CSF3R: variants seen among roughly 807,000 people sequenced by gnomAD.
CSF3R encodes granulocyte colony-stimulating factor receptor.
In CSF3R, 52 loss-of-function variants were observed where a neutral mutation model predicts 84.4. The observed-to-expected ratio is 0.62, with a 90% CI of 0.49 to 0.78. CSF3R has a LOEUF of 0.78. CSF3R is among the 30% of genes least tolerant of loss of function. CSF3R has a pLI of 0.00. For missense variants in CSF3R, 890 were observed against 1,055.7 expected (o/e 0.84, Z 2.17); for synonymous variants, 384 against 429.1 (o/e 0.89, Z 1.30).
intron 4 of CSF3R, among the ~76,000 whole-genome samples, chr1:36,474,390 C>CTTTTTTTTTTTT (rs911099378): frequency 1.2e-5 from 1 of 86,262 alleles, no homozygotes; most frequent in Non-Finnish European, 2.1e-5. Context: ...ATTACTGGTG[C>CTTTTTTTTTTTT]TTTTTTTTTT....
Position 36,467,334 on chromosome 1 carries a change from G to C in CSF3R, c.1959-23C>G. Reference sequence around the variant, plus strand: ...CTGCTGGAGAAGGGGGCAGGTGGAGGCTGAGTCAGACACACCCTCCGATCT... The same window carrying C: ...CTGCTGGAGAAGGGGGCAGGTGGAGCCTGAGTCAGACACACCCTCCGATCT... On this transcript the variant is annotated intron_variant, in intron 15 of 16. Transcript: ENST00000373106. This position sits in a 1 kb window ranked among gnomAD's most constrained non-coding sequence, Gnocchi z 4.1. 6.2e-7 allele frequency: 1 copy of C among 1,610,892 alleles called. No homozygotes were observed. The highest frequency in any genetic ancestry group is 8.5e-7 in the Non-Finnish European group (1 of 1,177,074).
chr1:36,472,263 G>C lies in CSF3R; in HGVS notation c.972C>G (p.Ser324Arg), dbSNP rs746413192. 6.2e-7 allele frequency: 1 copy of C among 1,614,242 alleles called. No individual in the cohort carries two copies. The highest frequency in any genetic ancestry group is 1.1e-5 in the South Asian group (1 of 91,088). The change falls in exon 8 of 17, where the codon AGC becomes AGG. Residue 324 changes from serine (S) to arginine (R), a missense_variant. By Grantham distance (110) the Ser-to-Arg change is moderately radical. Coordinates refer to ENST00000373106, the MANE Select transcript of CSF3R (RefSeq NM_000760.4). This position sits in a 1 kb window ranked among gnomAD's most constrained non-coding sequence, Gnocchi z 5.0. ...LPGHWSDWSP[S>R]LELRTTERAP... The stretch of plus-strand genomic sequence containing the variant: ...CCCGTTCGGTAGTTCTCAGCTCCAG[G>C]CTGGGGCTCCAGTCGCTCCAGTGGC...
chr1:36,469,880 G>A (rs775182525), intron 10 of CSF3R, 40 bp from the exon 11 acceptor site: 4 of 1,604,712 alleles, frequency 2.5e-6, no homozygotes, highest in Non-Finnish European at 3.4e-6. Flanking sequence ...AAGGTGAAAA[G>A]AATGCAGGCC....
rs1650461433 is a variant in CSF3R, at chr1:36,468,112, G to A, written c.1686C>T (p.Tyr562=). 1.9e-6 allele frequency: 3 copies of A among 1,614,126 alleles called. No individual in the cohort carries two copies. The highest frequency in any genetic ancestry group is 2.7e-5 in the African/African-American group (2 of 74,950). Reference sequence around the variant, plus strand: ...TCTGAGCGTTGGTCCAGAAGATGGTGTAGTGGGTAAGGGGGCTCTTCCCCA... The same window carrying A: ...TCTGAGCGTTGGTCCAGAAGATGGTATAGTGGGTAAGGGGGCTCTTCCCCA... ...PELGKSPLTH[Y]TIFWTNAQNQ... The change falls in exon 13 of 17, where the codon TAC becomes TAT. Residue 562 remains tyrosine (Y), a synonymous_variant. Coordinates refer to ENST00000373106, the MANE Select transcript of CSF3R (RefSeq NM_000760.4).
chr1:36,479,921 G>A (rs533698446), intron 2 of CSF3R: 156 of 329,886 alleles, frequency 4.7e-4, no homozygotes, highest in Non-Finnish European at 8.6e-4. Context: ...GCAGATAAGG[G>A]ACTGGGGAGA....
intron 11 of CSF3R, 104 bp downstream of exon 11, chr1:36,469,548 G>A: frequency 7.5e-7 from 1 of 1,338,866 alleles, no homozygotes; most frequent in Non-Finnish European, 1.1e-6. Context: ...AAAGGCTGGA[G>A]AATCCATGTC....
intron 3 of CSF3R, among the ~76,000 whole-genome samples, chr1:36,478,695 A>AC (rs1258434084): frequency 1.1e-4 from 14 of 128,180 alleles, no homozygotes; most frequent in African/African-American, 4.6e-4. Flanking sequence ...AAAAAAATAC[A>AC]ACAACAAAAA....
At position 36,466,060 on chromosome 1, in the gene CSF3R, A is replaced by G. The variant is rs1650280658; in HGVS notation, c.*297T>C. The G allele has an allele frequency of 1.2e-6, 2 of 1,614,004 alleles. No homozygotes were observed. The highest frequency in any genetic ancestry group is 8.5e-7 in the Non-Finnish European group (1 of 1,179,978). On this transcript the variant is annotated 3_prime_UTR_variant, in exon 17 of 17. Coordinates refer to ENST00000373106, the MANE Select transcript of CSF3R (RefSeq NM_000760.4). This position sits in a 1 kb window ranked among gnomAD's most constrained non-coding sequence, Gnocchi z 4.6. ...GACTCAGGTACACCCAAGAGTGTCT[A>G]TAAACAACAACAAAAACTGCAAACC...
chr1:36,482,310 G>A (rs1003791684), intron 1 of CSF3R, among the ~76,000 whole-genome samples: 9 of 151,856 alleles, frequency 5.9e-5, no homozygotes, highest in Admixed American at 2.0e-4. Flanking sequence ...GTGGGCGGGG[G>A]GGGGGCACTC....
chr1:36,475,651 G>A lies in CSF3R; in HGVS notation c.87C>T (p.Ile29=). Residue 29 remains isoleucine (I), a synonymous_variant, in exon 4 of 17, where the codon ATC becomes ATT. Coordinates refer to ENST00000373106, the MANE Select transcript of CSF3R (RefSeq NM_000760.4). ...LPGSLEECGH[I]SVSAPIVHLG... ...GGTGGACGATGGGGGCTGAGACACT[G>A]ATGTGCCCGCACTCCTCCAGACCTG... The A allele has an allele frequency of 1.2e-6, 2 of 1,607,616 alleles. No individual in the cohort carries two copies. Among genetic ancestry groups the A allele is most frequent in the South Asian group, 2.2e-5 (2 of 90,812 alleles).
chr1:36,473,895 T>A lies in CSF3R; in HGVS notation c.362-8A>T, dbSNP rs747247198. ...GGGGTATGGCTGGAGGGTCTGCATG[T>A]GGGTGGGAAGAGTGTGAGGGCTTTG... On this transcript the variant is annotated splice_polypyrimidine_tract_variant and splice_region_variant and intron_variant, in intron 4 of 16. Coordinates refer to ENST00000373106, the MANE Select transcript of CSF3R (RefSeq NM_000760.4). The A allele has an allele frequency of 6.2e-7, 1 of 1,613,896 alleles. No homozygotes were observed. The highest frequency in any genetic ancestry group is 1.1e-5 in the South Asian group (1 of 91,072).
chr1:36,478,180 G>A (rs181244788), intron 3 of CSF3R, among the ~76,000 whole-genome samples: 164 of 152,268 alleles, frequency 1.1e-3, no homozygotes, highest in Admixed American at 2.0e-3. Flanking sequence ...AACAACTAAA[G>A]ATGTTTCTTA....
Position 36,472,434 on chromosome 1 carries a change from C to T in CSF3R, c.844-43G>A. 1.2e-6 allele frequency: 2 copies of T among 1,613,794 alleles called. No individual in the cohort carries two copies. Among genetic ancestry groups the T allele is most frequent in the Non-Finnish European group, 1.7e-6 (2 of 1,179,916 alleles). On this transcript the variant is annotated intron_variant, in intron 7 of 16. Coordinates refer to ENST00000373106, the MANE Select transcript of CSF3R (RefSeq NM_000760.4). This position sits in a 1 kb window ranked among gnomAD's most constrained non-coding sequence, Gnocchi z 5.0. ...GGACTCTGAGCCTTGGATCGCTGGG[C>T]CATTCTAGGGCCAGCTCGAGCCCGA... is the stretch of plus-strand genomic sequence containing the variant.
chr1:36,472,233 C>T lies in CSF3R; in HGVS notation c.997+5G>A. On this transcript the variant is annotated splice_donor_5th_base_variant and intron_variant, in intron 8 of 16. Transcript: ENST00000373106. This position sits in a 1 kb window ranked among gnomAD's most constrained non-coding sequence, Gnocchi z 5.0. ...GCTGCTCCCAGCCTCTCATCACCTC[C>T]TTACCCCGTTCGGTAGTTCTCAGCT... 4 of 1,614,182 alleles carry T rather than the reference C, an allele frequency of 2.5e-6. No individual in the cohort carries two copies. Among genetic ancestry groups the T allele is most frequent in the Non-Finnish European group, 3.4e-6 (4 of 1,180,016 alleles).
chr1:36,469,923 T>G (rs2124112585), intron 10 of CSF3R, 83 bp from the exon 11 acceptor site: 1 of 1,482,668 alleles, frequency 6.7e-7, no homozygotes, highest in Non-Finnish European at 9.2e-7. Context: ...AAATCCTGGC[T>G]TTGCTATTTA....
chr1:36,471,439 T>C lies in CSF3R; in HGVS notation c.1279A>G (p.Ser427Gly). 1.2e-6 allele frequency: 2 copies of C among 1,614,012 alleles called. No homozygotes were observed. Among genetic ancestry groups the C allele is most frequent in the Non-Finnish European group, 1.7e-6 (2 of 1,179,900 alleles). The change falls in exon 10 of 17, where the codon AGC becomes GGC. Residue 427 changes from serine (S) to glycine (G), a missense_variant. Coordinates refer to ENST00000373106, the MANE Select transcript of CSF3R (RefSeq NM_000760.4). ...GGCTGCCAGCCCCCTTTACCTCTGC[T>C]TTCTGAGAAGACCACCGGAGTGGGA... Reference protein sequence around the residue: ...SRPTPVVFSESRGPALTRLHA... With the variant: ...SRPTPVVFSEGRGPALTRLHA...
At position 36,468,116 on chromosome 1, in the gene CSF3R, TGGGTAAGG is replaced by T; in HGVS notation, c.1674_1681del (p.Thr560HisfsTer141). ...AGCGTTGGTCCAGAAGATGGTGTAG[TGGGTAAGG>T]GGGCTCTTCCCCAGCTCAGGGGGCT... On this transcript the variant is annotated frameshift_variant, in exon 13 of 17. Transcript: ENST00000373106. LOFTEE classifies it high-confidence loss of function. 1 of 1,614,054 alleles carries T rather than the reference TGGGTAAGG, an allele frequency of 6.2e-7. No homozygotes were observed. The highest frequency in any genetic ancestry group is 8.5e-7 in the Non-Finnish European group (1 of 1,179,986).
intron 4 of CSF3R, 86 bp downstream of exon 4, chr1:36,475,291 G>A: frequency 6.5e-7 from 1 of 1,545,094 alleles, no homozygotes; most frequent in South Asian, 1.1e-5. Flanking sequence ...ACAGGCGTGA[G>A]CCAACGTGCC....
chr1:36,471,730 A>G (rs776443842), intron 9 of CSF3R, 84 bp from the exon 10 acceptor site: 32 of 1,384,120 alleles, frequency 2.3e-5, no homozygotes, highest in Non-Finnish European at 3.0e-5. Flanking sequence ...TGGATGGATC[A>G]TACAAACGGA....
Sources: allele counts gnomAD v4.1 joint callset (sites outside exome capture counted in the v4.1 genomes callset), GRCh38; gene constraint gnomAD v4.1.1; non-coding constraint Gnocchi (gnomAD v3.1); transcripts MANE v1.5; gene names NCBI Gene and HGNC (gene_info 2026-07-23, HGNC 2026-07-21).